The following SORL1 variants were observed in gnomAD, a reference collection of about 807,000 sequenced individuals.
SORL1 encodes the protein sortilin related receptor 1, also known as sortilin-related receptor.
Under a neutral mutation model 273.7 loss-of-function variants are expected in SORL1, and 127 were observed. The observed-to-expected ratio is 0.46, with a 90% CI of 0.40 to 0.54. The LOEUF (loss-of-function observed/expected upper bound fraction) is 0.54, where lower values mean the gene tolerates loss of function less well. Among genes scored for constraint, SORL1 ranks in the 20% least tolerant of loss-of-function variants. The probability of loss-of-function intolerance (pLI) is 0.00; values close to 1 mark genes in which losing one functional copy is unlikely to be tolerated. For missense variants in SORL1, 2,494 were observed against 2,846.1 expected, an observed-to-expected ratio of 0.88 and a Z score of 2.81; for synonymous variants, 1,031 against 1,067.4, an observed-to-expected ratio of 0.97 and a Z score of 0.66.
intron 44 of SORL1, 27 bp from the exon 45 acceptor site, chr11:121,622,135 G>T: frequency 8.1e-7 from 1 of 1,242,118 alleles, no homozygotes. Flanking sequence ...TCCACTAACC[G>T]CATCCCATCT....
intron 11 of SORL1, 75 bp from the exon 12 acceptor site, chr11:121,532,389 C>G: frequency 7.4e-7 from 1 of 1,344,900 alleles, no homozygotes; most frequent in Non-Finnish European, 1.1e-6. Flanking sequence ...GTGTGCATGC[C>G]TGTGGGCATG....
At position 121,629,577 on chromosome 11, in the gene SORL1, A is replaced by C; in HGVS notation, c.*14A>C. The C allele has an allele frequency of 7.5e-7, 1 of 1,328,252 alleles. No individual in the cohort carries two copies. The highest frequency in any genetic ancestry group is 1.1e-6 in the Non-Finnish European group (1 of 919,288). 82.3% of individuals were successfully genotyped at this position (1,328,252 alleles called of 1,614,324 possible). On this transcript the variant is annotated 3_prime_UTR_variant, in exon 48 of 48. Coordinates refer to ENST00000260197, the MANE Select transcript of SORL1 (RefSeq NM_003105.6). Reference sequence around the variant, plus strand: ...GTGATAGCCTGAAAGAGCTTTCCTCACTAGAAACCAAATGGTGTAAATATT... The same window carrying C: ...GTGATAGCCTGAAAGAGCTTTCCTCCCTAGAAACCAAATGGTGTAAATATT...
chr11:121,557,471 A>C lies in SORL1; in HGVS notation c.2663+66A>C. ...GCTACACTAATAGATTCTCATGGAA[A>C]CACAGACTGCGGGACAAAAACTCTG... On this transcript the variant is annotated intron_variant, in intron 19 of 47. Transcript: ENST00000260197. 5 of 1,204,472 alleles carry C rather than the reference A, an allele frequency of 4.2e-6. No homozygotes were observed. In the South Asian group the frequency reaches 6.1e-5, roughly 15 times the overall value. 74.6% of individuals were successfully genotyped at this position (1,204,472 alleles called of 1,614,324 possible).
intron 40 of SORL1, among the ~76,000 whole-genome samples, chr11:121,613,610 C>T (rs1295932007): frequency 6.6e-6 from 1 of 152,144 alleles, no homozygotes; most frequent in Non-Finnish European, 1.5e-5. Flanking sequence ...GCACATTGAG[C>T]ACCTACCATG....
chr11:121,608,274 A>G (rs1863508908), intron 38 of SORL1, 98 bp downstream of exon 38: 3 of 1,004,416 alleles, frequency 3.0e-6, no homozygotes, highest in Non-Finnish European at 4.6e-6. Context: ...CGTAGTTTAG[A>G]AAAACATCAC....
intron 12 of SORL1, among the ~76,000 whole-genome samples, chr11:121,535,713 C>G (rs370602146): frequency 2.0e-5 from 3 of 147,906 alleles, no homozygotes; most frequent in African/African-American, 7.5e-5. Context: ...TTATGCATGT[C>G]TTTCTCTCCC....
chr11:121,497,261 G>A (rs1861646726), intron 6 of SORL1, among the ~76,000 whole-genome samples: 1 of 152,166 alleles, frequency 6.6e-6, no homozygotes, highest in African/African-American at 2.4e-5. Context: ...AGAGGCCTAG[G>A]ACAAACACTC....
chr11:121,500,348 C>T (rs1487967661), intron 6 of SORL1, among the ~76,000 whole-genome samples: 3 of 152,184 alleles, frequency 2.0e-5, no homozygotes, highest in African/African-American at 4.8e-5. Flanking sequence ...TATCAGTAAG[C>T]AAAGACATGA....
chr11:121,569,822 A>G (rs547094978), intron 22 of SORL1, among the ~76,000 whole-genome samples: 2 of 151,068 alleles, frequency 1.3e-5, no homozygotes, highest in African/African-American at 4.9e-5. Context: ...TTATTCGTAC[A>G]CTCCCTCCCC....
At chr11:121,476,755 C>T (rs1345022106) in intron 2 of SORL1, among the ~76,000 whole-genome samples, 1 of 135,332 alleles carries the variant, frequency 7.4e-6, no homozygotes, top group African/African-American at 2.8e-5. Context: ...TCCCTCCCTC[C>T]CACGCTTCCT....
At chr11:121,551,483 C>G (rs772461397) in intron 16 of SORL1, among the ~76,000 whole-genome samples, 2 of 152,176 alleles carry the variant, frequency 1.3e-5, no homozygotes, top group Non-Finnish European at 2.9e-5. Flanking sequence ...AATTATGATA[C>G]TTTGAAAAAT....
At chr11:121,466,675 C>T (rs903442955) in intron 1 of SORL1, among the ~76,000 whole-genome samples, 11 of 152,116 alleles carry the variant, frequency 7.2e-5, no homozygotes, top group Non-Finnish European at 1.2e-4. Flanking sequence ...CCCTGTCCTG[C>T]GCGCATCCAT....
rs759967988 is a variant in SORL1, at chr11:121,452,349, C to T, written c.18C>T (p.Ser6=). The T allele has an allele frequency of 1.3e-6, 2 of 1,554,012 alleles. No individual in the cohort carries two copies. Among genetic ancestry groups the T allele is most frequent in the Non-Finnish European group, 1.7e-6 (2 of 1,154,626 alleles). MATRS[S]RRESRLPFLF... ...GCCCGAACATGGCGACACGGAGCAGCAGGAGGGAGTCGCGACTCCCGTTCC... is the reference window on the plus strand; with the variant it reads ...GCCCGAACATGGCGACACGGAGCAGTAGGAGGGAGTCGCGACTCCCGTTCC... Residue 6 remains serine (S), a synonymous_variant, in exon 1 of 48, where the codon AGC becomes AGT. Coordinates refer to ENST00000260197, the MANE Select transcript of SORL1 (RefSeq NM_003105.6). This position sits in a 1 kb window ranked among gnomAD's most constrained non-coding sequence, Gnocchi z 5.3.
At chr11:121,548,618 G>A (rs192610999) in intron 14 of SORL1, among the ~76,000 whole-genome samples, 7 of 152,310 alleles carry the variant, frequency 4.6e-5, no homozygotes, top group South Asian at 2.1e-4. Flanking sequence ...CCATGCTGGA[G>A]TGCAGTGGTG....
chr11:121,616,107 A>G (rs923164190), intron 41 of SORL1, among the ~76,000 whole-genome samples: 1 of 152,178 alleles, frequency 6.6e-6, no homozygotes, highest in Non-Finnish European at 1.5e-5. Flanking sequence ...GTCTACTCAT[A>G]AAGAACCCTT....
intron 3 of SORL1, 36 bp downstream of exon 3, chr11:121,478,279 TG>T: frequency 6.2e-7 from 1 of 1,600,092 alleles, no homozygotes; most frequent in African/African-American, 1.3e-5. Flanking sequence ...CCCGACTTCA[TG>T]GGACTGGGTT....
intron 22 of SORL1, among the ~76,000 whole-genome samples, chr11:121,568,439 G>A (rs968943958): frequency 1.3e-5 from 2 of 152,192 alleles, no homozygotes; most frequent in Admixed American, 1.3e-4. Context: ...CCATTAGAAT[G>A]CCTTTGATTA....
rs200166637 is a variant in SORL1 at position 121,526,848 on chromosome 11, G to A, written c.1596+3859G>A. On this transcript the variant is annotated intron_variant, in intron 11 of 47. Transcript: ENST00000260197. ...TAGTAGGTTTTTAGATTCTATGTAA[G>A]CAATCATACCATTTGCAAAGAGTGA... is the stretch of plus-strand genomic sequence containing the variant. Among the ~76,000 whole-genome samples, 15 of 152,202 alleles carry A rather than the reference G, an allele frequency of 9.9e-5. No homozygotes were observed. The East Asian group carries it at 2.7e-3, about 27-fold the overall frequency.
At chr11:121,485,922 C>T (rs909657310) in intron 3 of SORL1, among the ~76,000 whole-genome samples, 7 of 152,108 alleles carry the variant, frequency 4.6e-5, no homozygotes, top group Non-Finnish European at 8.8e-5. Flanking sequence ...GGGGAGGAAA[C>T]GTGAGAGAGC....
Sources: gnomAD v4.1 joint callset for allele counts (sites outside exome capture counted in the v4.1 genomes callset) on GRCh38, gnomAD v4.1.1 for gene constraint, Gnocchi (gnomAD v3.1) non-coding constraint, MANE v1.5 for transcripts, NCBI Gene and HGNC (gene_info 2026-07-23, HGNC 2026-07-21) for gene names.